Variants in SCRN3 observed in about 807,000 individuals in gnomAD.
SCRN3 encodes the protein secernin 3, also known as secernin-3.
In SCRN3, 39 loss-of-function variants were observed where a neutral mutation model predicts 43.1. That is an observed-to-expected ratio of 0.91 (90% CI 0.70 to 1.18). The LOEUF (loss-of-function observed/expected upper bound fraction) is 1.18, where lower values mean the gene tolerates loss of function less well. Among genes scored for constraint, SCRN3 ranks in the 50% most tolerant of loss-of-function variants. The probability of loss-of-function intolerance (pLI) is 0.00; values close to 1 mark genes in which losing one functional copy is unlikely to be tolerated. For synonymous variants in SCRN3, 147 were observed against 163.1 expected (o/e 0.90, Z 0.75); for missense variants, 484 against 498.0 (o/e 0.97, Z 0.27).
chr2:174,413,150 G>C lies in SCRN3; in HGVS notation c.754+8835G>C, dbSNP rs185089226. Among the ~76,000 whole-genome samples, 418 of 152,106 alleles carry C rather than the reference G, an allele frequency of 2.7e-3. 1 individual carries two copies. Among genetic ancestry groups the C allele is most frequent in the African/African-American group, 9.5e-3 (394 of 41,494 alleles). On this transcript the variant is annotated intron_variant, in intron 5 of 7. Coordinates refer to ENST00000272732, the MANE Select transcript of SCRN3 (RefSeq NM_024583.5). The stretch of plus-strand genomic sequence containing the variant: ...GCCTCCCAAAGTGCTGGGATTACGG[G>C]CATGAGCCACCACACCCGGCCGATA...
chr2:174,395,920 C>G (rs1206445200), intron 1 of SCRN3, 103 bp downstream of exon 1: 6 of 1,414,572 alleles, frequency 4.2e-6, no homozygotes, highest in Non-Finnish European at 5.5e-6. Context: ...CGGAGCCCAG[C>G]TGCACCGGCT....
At chr2:174,414,767 T>A (rs1686045499) in intron 5 of SCRN3, among the ~76,000 whole-genome samples, 1 of 146,396 alleles carries the variant, frequency 6.8e-6, no homozygotes, top group South Asian at 2.2e-4. Context: ...TCTATTTTCT[T>A]TTTTTTTTTT....
intron 5 of SCRN3, 151 bp downstream of exon 5, chr2:174,404,466 T>C (rs1685621103): frequency 2.0e-6 from 1 of 512,294 alleles, no homozygotes; most frequent in African/African-American, 2.0e-5. Flanking sequence ...CTATTTTTTT[T>C]TTATTATACT....
chr2:174,418,311 T>C (rs924735143), intron 5 of SCRN3, among the ~76,000 whole-genome samples: 1 of 152,240 alleles, frequency 6.6e-6, no homozygotes, highest in African/African-American at 2.4e-5. Flanking sequence ...CAGAAAATTG[T>C]CTACCAGTAC....
chr2:174,413,616 A>T, intron 5 of SCRN3, among the ~76,000 whole-genome samples: 2 of 96,126 alleles, frequency 2.1e-5, no homozygotes, highest in Non-Finnish European at 4.0e-5. Context: ...TTTGAGACAG[A>T]GTTTTGCTCT....
intron 6 of SCRN3, 32 bp downstream of exon 6, chr2:174,423,079 G>C: frequency 6.3e-7 from 1 of 1,586,454 alleles, no homozygotes; most frequent in Non-Finnish European, 8.6e-7. Context: ...AACCAGCAAG[G>C]GGTCAGGGGA....
chr2:174,395,762 T>G lies in SCRN3; in HGVS notation c.-65T>G. ...GTGACAGCTTCCGGCAACTGATGCCTCCACTGGCCACTCCTCCCTCCGTCC... is the reference window on the plus strand; with the variant it reads ...GTGACAGCTTCCGGCAACTGATGCCGCCACTGGCCACTCCTCCCTCCGTCC... On this transcript the variant is annotated 5_prime_UTR_variant, in exon 1 of 8. Coordinates refer to ENST00000272732, the MANE Select transcript of SCRN3 (RefSeq NM_024583.5). 1 of 1,583,018 alleles carries G rather than the reference T, an allele frequency of 6.3e-7. No homozygotes were observed. The highest frequency in any genetic ancestry group is 8.6e-7 in the Non-Finnish European group (1 of 1,163,842).
intron 5 of SCRN3, among the ~76,000 whole-genome samples, chr2:174,405,783 T>C (rs1304639809): frequency 1.3e-5 from 2 of 151,428 alleles, no homozygotes; most frequent in Admixed American, 6.6e-5. Flanking sequence ...TGTGGTGTTA[T>C]TTCTGAGGGC....
intron 4 of SCRN3, among the ~76,000 whole-genome samples, chr2:174,403,717 G>A (rs1348012014): frequency 6.6e-6 from 1 of 152,130 alleles, no homozygotes; most frequent in Admixed American, 6.6e-5. Context: ...AGATAAGTAG[G>A]TGTGGCTATA....
At position 174,422,447 on chromosome 2, in the gene SCRN3, G is replaced by A. The variant is rs1487670237; in HGVS notation, c.755-438G>A. Among the ~76,000 whole-genome samples, 4 of 151,822 alleles carry A rather than the reference G, an allele frequency of 2.6e-5. No individual in the cohort carries two copies. The South Asian group carries it at 6.2e-4, about 24-fold the overall frequency. Reference sequence around the variant, plus strand: ...AAATTAGTTGGGCATGGTGACATGCGACTTTAGTCCCAGCTACTTGGGAGG... The same window carrying A: ...AAATTAGTTGGGCATGGTGACATGCAACTTTAGTCCCAGCTACTTGGGAGG... On this transcript the variant is annotated intron_variant, in intron 5 of 7. Transcript: ENST00000272732.
chr2:174,396,182 G>C, intron 1 of SCRN3: 1 of 809,112 alleles, frequency 1.2e-6, no homozygotes, highest in Non-Finnish European at 1.6e-6. Flanking sequence ...TAGAATGACA[G>C]ACAGCTCTGC....
intron 7 of SCRN3, 36 bp from the exon 8 acceptor site, chr2:174,427,677 G>A: frequency 7.3e-7 from 1 of 1,364,556 alleles, no homozygotes; most frequent in Non-Finnish European, 1.0e-6. Flanking sequence ...ATGTGTATAT[G>A]TATATGTGTT....
downstream of SCRN3, among the ~76,000 whole-genome samples, chr2:174,429,932 C>T (rs114523617): frequency 4.6e-5 from 7 of 152,230 alleles, no homozygotes; most frequent in African/African-American, 1.7e-4. Flanking sequence ...TTTAAGGTTC[C>T]TGCATGTCTT....
intron 5 of SCRN3, among the ~76,000 whole-genome samples, chr2:174,409,731 G>T (rs1365884167): frequency 6.9e-5 from 10 of 143,926 alleles, no homozygotes; most frequent in African/African-American, 2.5e-4. Flanking sequence ...TGAGGTGTCA[G>T]TGTGCCCCTG....
At chr2:174,421,137 G>A (rs1219838388) in intron 5 of SCRN3, among the ~76,000 whole-genome samples, 1 of 152,182 alleles carries the variant, frequency 6.6e-6, no homozygotes, top group Non-Finnish European at 1.5e-5. Flanking sequence ...CAACAGAAGG[G>A]AGGGGATTCT....
At chr2:174,401,335 G>A in intron 4 of SCRN3, 146 bp downstream of exon 4, 2 of 641,226 alleles carry the variant, frequency 3.1e-6, no homozygotes, top group Non-Finnish European at 5.2e-6. Context: ...AAATTTGAAA[G>A]AACAGTGAAA....
Position 174,417,088 on chromosome 2 carries a change from A to ATCTACATGGGG in SCRN3, c.755-5797_755-5796insTCTACATGGGG, listed in dbSNP as rs1356117799. Among the ~76,000 whole-genome samples, 11 of 152,352 alleles carry ATCTACATGGGG rather than the reference A, an allele frequency of 7.2e-5. No homozygotes were observed. In the East Asian group the frequency reaches 2.1e-3, roughly 29 times the overall value. Reference sequence around the variant, plus strand: ...TTTTCCCCCATGTAGATAGATATGTAGAAAATGCTAAAGCATGTTATACTA... The same window carrying ATCTACATGGGG: ...TTTTCCCCCATGTAGATAGATATGTATCTACATGGGGGAAAATGCTAAAGCATGTTATACTA... On this transcript the variant is annotated intron_variant, in intron 5 of 7. Coordinates refer to ENST00000272732, the MANE Select transcript of SCRN3 (RefSeq NM_024583.5).
At chr2:174,412,129 A>G (rs1289225171) in intron 5 of SCRN3, among the ~76,000 whole-genome samples, 1 of 151,900 alleles carries the variant, frequency 6.6e-6, no homozygotes, top group Non-Finnish European at 1.5e-5. Context: ...CAGGGCAAAA[A>G]AAAAACCAGA....
chr2:174,410,749 G>T (rs1348180288), intron 5 of SCRN3, among the ~76,000 whole-genome samples: 1 of 152,150 alleles, frequency 6.6e-6, no homozygotes, highest in Non-Finnish European at 1.5e-5. Context: ...CTGGCCAGAA[G>T]ACAAACTGAG....
Sources: gnomAD v4.1 joint callset for allele counts (sites outside exome capture counted in the v4.1 genomes callset) on GRCh38, gnomAD v4.1.1 for gene constraint, MANE v1.5 for transcripts, NCBI Gene and HGNC (gene_info 2026-07-23, HGNC 2026-07-21) for gene names.